The following APC variants were observed in gnomAD, a reference collection of about 807,000 sequenced individuals.
APC encodes the protein APC regulator of Wnt signaling pathway, also known as adenomatous polyposis coli protein.
In APC, 72 loss-of-function variants were observed where a neutral mutation model predicts 247.0. The ratio of observed to expected loss-of-function variants is 0.29; its 90% CI spans 0.24 to 0.35. APC has a LOEUF of 0.35. Ranked by LOEUF, APC falls within the 10% of genes least tolerant of loss-of-function variation. The probability of loss-of-function intolerance (pLI) is 1.00; values close to 1 mark genes in which losing one functional copy is unlikely to be tolerated. For missense variants in APC, 3,400 were observed against 3,360.7 expected (o/e 1.01, Z -0.29); for synonymous variants, 1,254 against 1,162.5 (o/e 1.08, Z -1.60).
rs79566745 is a variant in APC, at chr5:112,801,114, C to T, written c.730-165C>T. ...CTTTCCCCTTACCGAGATAGTCGAC[C>T]GCCAATCGTACTGGAGGTTATGAAG... On this transcript the variant is annotated intron_variant, in intron 7 of 15. Transcript: ENST00000257430. Among the ~76,000 whole-genome samples, 1 of 151,984 alleles carries T rather than the reference C, an allele frequency of 6.6e-6. No homozygotes were observed. Among genetic ancestry groups the T allele is most frequent in the Non-Finnish European group, 1.5e-5 (1 of 68,000 alleles).
chr5:112,801,395 AT>A lies in APC; in HGVS notation c.834+16del. The A allele has an allele frequency of 6.6e-7, 1 of 1,525,326 alleles. No individual in the cohort carries two copies. The highest frequency in any genetic ancestry group is 9.0e-7 in the Non-Finnish European group (1 of 1,115,348). 94.5% of individuals were successfully genotyped at this position (1,525,326 alleles called of 1,614,324 possible). On this transcript the variant is annotated intron_variant, in intron 8 of 15. Transcript: ENST00000257430. ...CTGGTAATGGTCAGGTAAATAAATT[AT>A]TTTATCATATTTTTTAAAATTATTT...
chr5:112,775,122 T>A (rs1356579085), intron 4 of APC, among the ~76,000 whole-genome samples: 3 of 152,186 alleles, frequency 2.0e-5, no homozygotes, highest in African/African-American at 4.8e-5. Flanking sequence ...GAAGTTTTTC[T>A]CCGTCATAAC....
At position 112,709,699 on chromosome 5, in the gene APC, C is replaced by T. The variant is rs545616443; in HGVS notation, c.165+1817C>T. On this transcript the variant is annotated intron_variant, in intron 1 of 13. Transcript: ENST00000507379. ...CATGGATCGCATGAGTCCAGGAGTT[C>T]GAGACCAGCCTAGGCAACATGGCAA... is the stretch of plus-strand genomic sequence containing the variant. Among the ~76,000 whole-genome samples the T allele has an allele frequency of 1.8e-4, 27 of 152,018 alleles. 1 individual carries two copies. In the East Asian group the frequency reaches 4.3e-3, roughly 24 times the overall value.
rs1216272276 is a variant in APC, at chr5:112,838,795, A to G, written c.3201A>G (p.Gln1067=). The change falls in exon 16 of 16, where the codon CAA becomes CAG. Residue 1067 remains glutamine, a synonymous_variant. Transcript: ENST00000257430. ...AAATAAAACAAAGTGAGCAAAGACA[A>G]TCAAGGAATCAAAGTACAACTTATC... ...EDEIKQSEQR[Q]SRNQSTTYPV... The G allele has an allele frequency of 6.2e-7, 1 of 1,614,048 alleles. No homozygotes were observed. The highest frequency in any genetic ancestry group is 1.7e-5 in the Admixed American group (1 of 60,012).
chr5:112,822,835 C>A (rs571794740), intron 11 of APC, among the ~76,000 whole-genome samples: 1 of 152,186 alleles, frequency 6.6e-6, no homozygotes, highest in Non-Finnish European at 1.5e-5. Flanking sequence ...CTCATCGTTT[C>A]ATTCGTCATT....
chr5:112,785,843 T>G (rs918671990), intron 6 of APC, among the ~76,000 whole-genome samples: 4 of 152,164 alleles, frequency 2.6e-5, no homozygotes, highest in South Asian at 2.1e-4. Flanking sequence ...GATTAGCTAT[T>G]CAAATGTGAA....
intron 2 of APC, among the ~76,000 whole-genome samples, chr5:112,759,356 C>CTTTTTTT (rs887438895): frequency 1.6e-4 from 20 of 122,350 alleles, no homozygotes; most frequent in African/African-American, 2.3e-4. Flanking sequence ...TTCTTTCTTT[C>CTTTTTTT]TTTTTTTTTT....
chr5:112,809,725 AGGCGTGATGGCTCAC>A (rs1369895100), intron 8 of APC, among the ~76,000 whole-genome samples: 2 of 152,146 alleles, frequency 1.3e-5, no homozygotes, highest in Admixed American at 1.3e-4. Context: ...GAGAGCAGTC[AGGCGTGATGGCTCAC>A]GCCTGTAATC....
rs562167637 is a variant in APC at position 112,767,125 on chromosome 5, A to G, written c.221-64A>G. 1.3e-5 allele frequency: 17 copies of G among 1,284,048 alleles called. No individual in the cohort carries two copies. The South Asian group carries it at 1.5e-4, about 11-fold the overall frequency. 79.5% of individuals were successfully genotyped at this position (1,284,048 alleles called of 1,614,324 possible). ...ATATTTCACTTTAAAATAATATAACATTAAGAATATTTTAGACTGCTTAAA... is the reference window on the plus strand; with the variant it reads ...ATATTTCACTTTAAAATAATATAACGTTAAGAATATTTTAGACTGCTTAAA... On this transcript the variant is annotated intron_variant, in intron 3 of 15. Coordinates refer to ENST00000257430, the MANE Select transcript of APC (RefSeq NM_000038.6).
chr5:112,791,156 A>C lies in APC; in HGVS notation c.646-1290A>C, dbSNP rs112107652. ...AGTTAAAATGAAGTCTAGCTTAAAAAACACACACACACACACACAATATAT... is the reference window on the plus strand; with the variant it reads ...AGTTAAAATGAAGTCTAGCTTAAAACACACACACACACACACACAATATAT... On this transcript the variant is annotated intron_variant, in intron 6 of 15. Transcript: ENST00000257430. Among the ~76,000 whole-genome samples the C allele has an allele frequency of 1.7e-3, 263 of 150,768 alleles. 1 individual carries two copies. Among genetic ancestry groups the C allele is most frequent in the African/African-American group, 2.3e-3 (95 of 41,248 alleles).
chr5:112,774,317 AG>A (rs1561475668), intron 4 of APC, among the ~76,000 whole-genome samples: 2 of 152,198 alleles, frequency 1.3e-5, no homozygotes. Context: ...TGATGCTCAA[AG>A]GAAATGCTAA....
In APC at chr5:112,707,711, GC is replaced by G. The variant is rs1257317812; in HGVS notation, c.-2del. On this transcript the variant is annotated 5_prime_UTR_variant, in exon 1 of 14. Coordinates refer to the APC transcript ENST00000507379. ...CTCAGTTGCCTTCTCGGGCCTCGGC[GC>G]CCCCTATGTACGCCTCCCTGGGCTC... 2.2e-6 allele frequency: 3 copies of G among 1,370,504 alleles called. No homozygotes were observed. The highest frequency in any genetic ancestry group is 2.2e-5 in the Admixed American group (1 of 46,060). The allele number at this position is 1,370,504 out of a possible 1,614,324, so 84.9% of individuals were successfully genotyped here.
At chr5:112,741,495 T>C (rs752733345) in intron 1 of APC, among the ~76,000 whole-genome samples, 8 of 152,228 alleles carry the variant, frequency 5.3e-5, no homozygotes, top group Non-Finnish European at 1.0e-4. Flanking sequence ...TTCTCCCCTT[T>C]ATTCTCACAC....
intron 6 of APC, among the ~76,000 whole-genome samples, chr5:112,792,232 C>T (rs748084592): frequency 1.3e-5 from 2 of 150,754 alleles, no homozygotes; most frequent in African/African-American, 4.9e-5. Flanking sequence ...GGCAACAGAG[C>T]GAGACTCTGT....
At chr5:112,770,024 A>C (rs75373425) in intron 4 of APC, among the ~76,000 whole-genome samples, 4,124 of 152,272 alleles carry the variant, frequency 0.027, 217 homozygotes, top group African/African-American at 0.094. Flanking sequence ...GAGGGCATGC[A>C]TACTAACCTT....
intron 8 of APC, among the ~76,000 whole-genome samples, chr5:112,808,403 A>G (rs964313116): frequency 9.2e-5 from 14 of 152,046 alleles, no homozygotes; most frequent in Non-Finnish European, 1.5e-4. Flanking sequence ...CCATTTAGTT[A>G]TTGAAGAACT....
At chr5:112,773,190 T>C (rs1285848181) in intron 4 of APC, among the ~76,000 whole-genome samples, 2 of 152,170 alleles carry the variant, frequency 1.3e-5, no homozygotes, top group African/African-American at 4.8e-5. Flanking sequence ...TTTAAGTTGC[T>C]TCTCAGTAAA....
rs567306755 is a variant in APC at position 112,785,978 on chromosome 5, T to C, written c.645+5075T>C. ...ATCTCATAACATTTTAAATCATTCA[T>C]TGCACAAAAGATAAATTAGAAAAAT... is the stretch of plus-strand genomic sequence containing the variant. On this transcript the variant is annotated intron_variant, in intron 6 of 15. Coordinates refer to ENST00000257430, the MANE Select transcript of APC (RefSeq NM_000038.6). 3.0e-4 allele frequency among the ~76,000 whole-genome samples: 45 copies of C among 152,312 alleles called. 1 individual carries two copies. In the South Asian group the frequency reaches 9.3e-3, roughly 32 times the overall value.
chr5:112,815,635 A>G, intron 9 of APC, 42 bp downstream of exon 9: 2 of 1,513,010 alleles, frequency 1.3e-6, no homozygotes, highest in Non-Finnish European at 1.8e-6. Context: ...TGCCATGACT[A>G]CTTTGCTAAG....
Sources: gnomAD v4.1 joint callset for allele counts (sites outside exome capture counted in the v4.1 genomes callset) on GRCh38, gnomAD v4.1.1 for gene constraint, MANE v1.5 for transcripts, NCBI Gene and HGNC (gene_info 2026-07-23, HGNC 2026-07-21) for gene names.